Variants in MAML3 observed in about 807,000 individuals in gnomAD.
The protein encoded by MAML3 is mastermind like transcriptional coactivator 3.
Under a neutral mutation model 101.9 loss-of-function variants are expected in MAML3, and 27 were observed. The ratio of observed to expected loss-of-function variants is 0.27; its 90% CI spans 0.20 to 0.37. MAML3 has a LOEUF of 0.37. Ranked by LOEUF, MAML3 falls within the 10% of genes least tolerant of loss-of-function variation. The pLI is 1.00. For missense variants in MAML3, 1,316 were observed against 1,444.9 expected, an observed-to-expected ratio of 0.91 and a Z score of 1.45; for synonymous variants, 501 against 555.9, an observed-to-expected ratio of 0.90 and a Z score of 1.39.
At chr4:139,951,828 C>A (rs181912165) in intron 1 of MAML3, among the ~76,000 whole-genome samples, 1 of 151,000 alleles carries the variant, frequency 6.6e-6, no homozygotes, top group Admixed American at 6.6e-5. Context: ...TTAAGGGGGG[C>A]CAAGGGGTGA....
chr4:140,037,549 G>A (rs532348051), intron 1 of MAML3, among the ~76,000 whole-genome samples: 1 of 152,226 alleles, frequency 6.6e-6, no homozygotes, highest in Non-Finnish European at 1.5e-5. Flanking sequence ...TTCCATCTAA[G>A]TAGAGCATGT....
chr4:139,911,761 G>A (rs1158688080), intron 1 of MAML3, among the ~76,000 whole-genome samples: 2 of 152,308 alleles, frequency 1.3e-5, no homozygotes, highest in Middle Eastern at 3.4e-3. Flanking sequence ...GAAGACATCG[G>A]AAGAAGACAG....
At chr4:139,994,786 G>GTGTGTGTGTGT (rs1553968047) in intron 1 of MAML3, among the ~76,000 whole-genome samples, 50 of 150,220 alleles carry the variant, frequency 3.3e-4, no homozygotes, top group African/African-American at 1.2e-3. Context: ...GCTGGTGGGG[G>GTGTGTGTGTGT]GTGTGTGTGT....
At chr4:139,756,858 C>G (rs1247830044) in intron 2 of MAML3, among the ~76,000 whole-genome samples, 1 of 152,196 alleles carries the variant, frequency 6.6e-6, no homozygotes, top group Admixed American at 6.5e-5. Flanking sequence ...CTGCCCTTCT[C>G]CCTAACATTT....
intron 1 of MAML3, among the ~76,000 whole-genome samples, chr4:139,915,765 G>T (rs921907656): frequency 6.6e-6 from 1 of 152,102 alleles, no homozygotes; most frequent in African/African-American, 2.4e-5. Flanking sequence ...CAGTGAACAT[G>T]CCCTGACCTC....
At chr4:140,039,471 A>T (rs901591500) in intron 1 of MAML3, among the ~76,000 whole-genome samples, 7 of 152,054 alleles carry the variant, frequency 4.6e-5, no homozygotes, top group Admixed American at 6.6e-5. Context: ...ACATGCCTTG[A>T]TCAGAAGCAT....
intron 1 of MAML3, among the ~76,000 whole-genome samples, chr4:140,052,840 A>T (rs140436112): frequency 2.6e-5 from 4 of 152,012 alleles, no homozygotes; most frequent in African/African-American, 9.7e-5. Context: ...TGGCAAAAAA[A>T]CCCATATATT....
chr4:140,038,265 C>T (rs1727021691), intron 1 of MAML3, among the ~76,000 whole-genome samples: 2 of 152,200 alleles, frequency 1.3e-5, no homozygotes, highest in African/African-American at 2.4e-5. Context: ...TTTGATCTCA[C>T]ACCTGCATTT....
chr4:139,909,756 GA>G (rs564597332), intron 1 of MAML3, among the ~76,000 whole-genome samples: 2 of 144,056 alleles, frequency 1.4e-5, no homozygotes, highest in Non-Finnish European at 3.0e-5. Context: ...AGAATCGCTT[GA>G]ACCTGGGAAG....
At chr4:139,793,108 T>G (rs1008481331) in intron 2 of MAML3, among the ~76,000 whole-genome samples, 23 of 152,132 alleles carry the variant, frequency 1.5e-4, no homozygotes, top group African/African-American at 4.6e-4. Context: ...GGTAGAGCCA[T>G]TCTTACTTAT....
intron 1 of MAML3, among the ~76,000 whole-genome samples, chr4:140,015,571 C>T (rs528042927): frequency 5.3e-5 from 8 of 152,182 alleles, no homozygotes; most frequent in Non-Finnish European, 1.0e-4. Flanking sequence ...ATACCACGAA[C>T]AAAGCAAGGA....
At chr4:139,873,443 T>C (rs1038812896) in intron 2 of MAML3, among the ~76,000 whole-genome samples, 2 of 152,224 alleles carry the variant, frequency 1.3e-5, no homozygotes, top group Admixed American at 6.5e-5. Flanking sequence ...TCCACAAATA[T>C]GTTCACAAAT....
At chr4:139,975,814 G>T (rs1274961594) in intron 1 of MAML3, among the ~76,000 whole-genome samples, 1 of 152,088 alleles carries the variant, frequency 6.6e-6, no homozygotes, top group Non-Finnish European at 1.5e-5. Context: ...GCAATGGGAA[G>T]AAAAAAGGAG....
At chr4:140,101,145 A>G (rs1045894615) in intron 1 of MAML3, among the ~76,000 whole-genome samples, 1 of 152,180 alleles carries the variant, frequency 6.6e-6, no homozygotes, top group African/African-American at 2.4e-5. Flanking sequence ...GAATAGAAGA[A>G]TCACTCAGCT....
At chr4:139,784,525 C>T (rs1421270983) in intron 2 of MAML3, among the ~76,000 whole-genome samples, 1 of 152,160 alleles carries the variant, frequency 6.6e-6, no homozygotes, top group Non-Finnish European at 1.5e-5. Flanking sequence ...AAATACTTCC[C>T]TATGGCCTCT....
At chr4:139,927,815 T>C (rs909487287) in intron 1 of MAML3, among the ~76,000 whole-genome samples, 1 of 152,206 alleles carries the variant, frequency 6.6e-6, no homozygotes, top group African/African-American at 2.4e-5. Flanking sequence ...TCCTTATTTA[T>C]TGGCACTTTA....
chr4:139,860,223 T>G (rs1731750584), intron 2 of MAML3, among the ~76,000 whole-genome samples: 1 of 152,004 alleles, frequency 6.6e-6, no homozygotes, highest in Admixed American at 6.5e-5. Context: ...GGATCCTGCG[T>G]TCACCAGCGC....
At chr4:139,994,403 G>A (rs62347772) in intron 1 of MAML3, among the ~76,000 whole-genome samples, 41,290 of 152,166 alleles carry the variant, frequency 0.27, 7,033 homozygotes, top group Non-Finnish European at 0.36. Context: ...AGTGGCTCAC[G>A]TCTGTAACCA....
intron 1 of MAML3, among the ~76,000 whole-genome samples, chr4:139,915,473 T>C (rs1311444849): frequency 6.6e-6 from 1 of 152,214 alleles, no homozygotes; most frequent in Non-Finnish European, 1.5e-5. Flanking sequence ...AGACAGAGCC[T>C]CATAGAACCT....
Sources: allele counts gnomAD v4.1 joint callset (sites outside exome capture counted in the v4.1 genomes callset), GRCh38; gene constraint gnomAD v4.1.1; transcripts MANE v1.5; gene names NCBI Gene and HGNC (gene_info 2026-07-23, HGNC 2026-07-21).